Variants in CFAP65 observed in about 807,000 individuals in gnomAD.
CFAP65 encodes the protein cilia and flagella associated protein 65.
A neutral mutation model predicts 208.0 loss-of-function variants in CFAP65; 155 were observed. The observed-to-expected ratio is 0.75, with a 90% confidence interval of 0.65 to 0.85. The LOEUF is 0.85. Ranked by LOEUF, CFAP65 falls within the 40% of genes least tolerant of loss-of-function variation. The pLI is 0.00. For missense variants in CFAP65, 2,294 were observed against 2,451.3 expected (o/e 0.94, Z 1.36); for synonymous variants, 970 against 986.3 (o/e 0.98, Z 0.31).
Position 219,003,292 on chromosome 2 carries a change from A to G in CFAP65, c.5556-20T>C. On this transcript the variant is annotated intron_variant, in intron 33 of 34. Coordinates refer to ENST00000341552, the MANE Select transcript of CFAP65 (RefSeq NM_194302.4). The surrounding 1 kb of genome is among the most constrained non-coding windows in gnomAD (Gnocchi z 4.4). ...GGGAGCCTGCGAGGGGGCGGGGGCTAGCATGAGGGCGGCCGCAGTGCCCGC... is the reference window on the plus strand; with the variant it reads ...GGGAGCCTGCGAGGGGGCGGGGGCTGGCATGAGGGCGGCCGCAGTGCCCGC... 1 of 1,507,114 alleles carries G rather than the reference A, an allele frequency of 6.6e-7. No homozygotes were observed. Among genetic ancestry groups the G allele is most frequent in the Non-Finnish European group, 8.9e-7 (1 of 1,125,876 alleles). The allele number at this position is 1,507,114 out of a possible 1,614,324, so 93.4% of individuals were successfully genotyped here.
chr2:219,021,953 C>T (rs377278719), intron 17 of CFAP65, 23 bp from the exon 18 acceptor site: 106 of 1,611,876 alleles, frequency 6.6e-5, no homozygotes, highest in African/African-American at 2.3e-4. Context: ...GTCAGCCAGC[C>T]GGGAGTGGGA....
At chr2:219,035,118 C>A in intron 5 of CFAP65, 5 of 440,622 alleles carry the variant, frequency 1.1e-5, no homozygotes, top group South Asian at 4.3e-5. Flanking sequence ...AAAAAAAAAC[C>A]TTCATAAGAC....
At chr2:219,005,987 G>A in intron 31 of CFAP65, 34 bp downstream of exon 31, 1 of 1,596,194 alleles carries the variant, frequency 6.3e-7, no homozygotes, top group African/African-American at 1.3e-5. Flanking sequence ...ACAGAGAGAA[G>A]AGGAAGGTGA....
intron 5 of CFAP65, chr2:219,034,355 A>C (rs1261442409): frequency 6.6e-6 from 1 of 152,336 alleles, no homozygotes; most frequent in Middle Eastern, 3.4e-3. Flanking sequence ...CCAGCTATCA[A>C]GACTTACTAT....
At chr2:219,029,855 C>G in intron 10 of CFAP65, 131 bp downstream of exon 10, 1 of 1,116,650 alleles carries the variant, frequency 9.0e-7, no homozygotes, top group Non-Finnish European at 1.3e-6. Context: ...CCCCACAGGG[C>G]CACCAGGGGG....
intron 28 of CFAP65, 67 bp from the exon 29 acceptor site, chr2:219,009,221 C>A (rs960957140): frequency 1.3e-6 from 2 of 1,506,424 alleles, no homozygotes; most frequent in Admixed American, 3.4e-5. Context: ...TGCTGTGAGC[C>A]CTCTCCCTTC....
Position 219,030,848 on chromosome 2 carries a change from G to C in CFAP65, c.1016-14C>G, listed in dbSNP as rs202220607. ...GGGCGCACTTGGCTGGGGCAGAGAT[G>C]GGGGAGTCTTGGGGGAACCCACCAG... On this transcript the variant is annotated splice_polypyrimidine_tract_variant and intron_variant, in intron 8 of 34. Transcript: ENST00000341552. 9.7e-5 allele frequency: 157 copies of C among 1,611,088 alleles called. No homozygotes were observed. In the African/African-American group the frequency reaches 2.0e-3, roughly 20 times the overall value.
chr2:219,022,191 C>A lies in CFAP65; in HGVS notation c.2959G>T (p.Gly987Trp). Reference protein sequence around the residue: ...THYMLRLVGVGLTSSLSAKEK... With the variant: ...THYMLRLVGVWLTSSLSAKEK... The stretch of plus-strand genomic sequence containing the variant: ...CTCACAGAGAGGCTGCTGGTGAGCC[C>A]AACGCCCACCAGCCGGAGCATGTAG... Residue 987 changes from glycine (G) to tryptophan (W), a missense_variant, in exon 17 of 35, where the codon GGG becomes TGG. Physicochemically the swap from Gly to Trp is radical, Grantham distance 184. Around this residue, in one of 2 missense-constraint regions of CFAP65, gnomAD observed 1,427 missense variants for 1,438.7 expected, o/e 0.99. Coordinates refer to ENST00000341552, the MANE Select transcript of CFAP65 (RefSeq NM_194302.4). The A allele has an allele frequency of 6.2e-7, 1 of 1,601,728 alleles. No individual in the cohort carries two copies. The highest frequency in any genetic ancestry group is 8.5e-7 in the Non-Finnish European group (1 of 1,174,410).
rs1431894302 is a variant in CFAP65 at position 219,003,211 on chromosome 2, C to T, written c.5617G>A (p.Val1873Met). Residue 1873 changes from valine to methionine, a missense_variant, in exon 34 of 35, where the codon GTG becomes ATG. Val to Met is a conservative substitution (Grantham distance 21). Transcript: ENST00000341552. This position sits in a 1 kb window ranked among gnomAD's most constrained non-coding sequence, Gnocchi z 4.4. ...ACCACCTCCCCGCGGCTCGCCTCCA[C>T]CAGGATGTTCTGGATCATGTTCTCC... The part of the protein sequence containing the change: ...LLENMIQNIL[V>M]EASRGEVVLT... 1.3e-6 allele frequency: 2 copies of T among 1,548,904 alleles called. No individual in the cohort carries two copies. The highest frequency in any genetic ancestry group is 2.4e-5 in the South Asian group (2 of 84,002).
intron 21 of CFAP65, chr2:219,014,373 T>G (rs1272062987): frequency 5.2e-6 from 1 of 191,984 alleles, no homozygotes; most frequent in Non-Finnish European, 1.1e-5. Flanking sequence ...GTGACAAAGC[T>G]CTTGGGAAAG....
rs886805557 is a variant in CFAP65, at chr2:219,003,155, C to T, written c.5673G>A (p.Leu1891=). ...CTTACCTGGGCACGCAGAACGGCGG[C>T]AGGGCGATGACGCGTGGCCGCGAGG... The part of the protein sequence containing the change: ...VLTSRPRVIA[L]PPFCVPRSLT... Residue 1891 remains leucine, a synonymous_variant, in exon 34 of 35, where the codon CTG becomes CTA. Transcript: ENST00000341552. The surrounding 1 kb of genome is among the most constrained non-coding windows in gnomAD (Gnocchi z 4.4). 6.5e-7 allele frequency: 1 copy of T among 1,544,324 alleles called. No homozygotes were observed. The highest frequency in any genetic ancestry group is 1.4e-5 in the African/African-American group (1 of 72,886).
intron 24 of CFAP65, among the ~76,000 whole-genome samples, chr2:219,012,783 A>G (rs1428012052): frequency 6.6e-6 from 1 of 152,250 alleles, no homozygotes; most frequent in Non-Finnish European, 1.5e-5. Flanking sequence ...CCTACTGGTG[A>G]GCAGATCTAA....
rs1161643038 is a variant in CFAP65, at chr2:219,029,643, G to A, written c.1410C>T (p.Tyr470=). 6.2e-7 allele frequency: 1 copy of A among 1,614,142 alleles called. No homozygotes were observed. Among genetic ancestry groups the A allele is most frequent in the Admixed American group, 1.7e-5 (1 of 60,022 alleles). ...CRGPAVSLQH[Y]CVNFSWVNLG... is the part of the protein sequence containing the mutation. ...GGTTGACCCAGCTGAAGTTGACACA[G>A]TAGTGCTGCAGGGACACAGCAGGGC... is the stretch of plus-strand genomic sequence containing the variant. The change falls in exon 11 of 35, where the codon TAC becomes TAT. Residue 470 remains tyrosine (Y), a synonymous_variant. Transcript: ENST00000341552.
At chr2:219,035,064 C>A in intron 5 of CFAP65, 1 of 358,848 alleles carries the variant, frequency 2.8e-6, no homozygotes, top group Non-Finnish European at 5.0e-6. Context: ...ATAGAAGGTT[C>A]CATCCCGCAA....
chr2:219,017,440 TAAAACC>T (rs1946973853), intron 21 of CFAP65, among the ~76,000 whole-genome samples: 1 of 152,214 alleles, frequency 6.6e-6, no homozygotes, highest in Non-Finnish European at 1.5e-5. Flanking sequence ...TTGGCAGGAA[TAAAACC>T]CTCCGTCTGT....
chr2:219,027,238 A>T, intron 13 of CFAP65: 1 of 1,343,400 alleles, frequency 7.4e-7, no homozygotes, highest in Non-Finnish European at 9.5e-7. Context: ...CATCACAATT[A>T]TCTGGTGCTG....
chr2:219,019,097 C>T lies in CFAP65; in HGVS notation c.3556G>A (p.Val1186Met), dbSNP rs766698692. ...GAAPFKAPPS[V>M]VFLALKNSGV... ...CTGTTCTTCAGGGCCAGGAATACCACGGAAGGTGGGGCCTTGAATGGTGCG... is the reference window on the plus strand; with the variant it reads ...CTGTTCTTCAGGGCCAGGAATACCATGGAAGGTGGGGCCTTGAATGGTGCG... Residue 1186 changes from valine (V) to methionine (M), a missense_variant, in exon 21 of 35, where the codon GTG becomes ATG. Coordinates refer to ENST00000341552, the MANE Select transcript of CFAP65 (RefSeq NM_194302.4). 18 of 1,614,078 alleles carry T rather than the reference C, an allele frequency of 1.1e-5. No individual in the cohort carries two copies. Among genetic ancestry groups the T allele is most frequent in the East Asian group, 2.2e-5 (1 of 44,902 alleles).
rs1231168440 is a variant in CFAP65 at position 219,032,452 on chromosome 2, C to T, written c.645+18G>A. The T allele has an allele frequency of 6.4e-6, 10 of 1,565,020 alleles. No individual in the cohort carries two copies. Among genetic ancestry groups the T allele is most frequent in the South Asian group, 1.2e-5 (1 of 84,950 alleles). On this transcript the variant is annotated intron_variant, in intron 6 of 34. Transcript: ENST00000341552. This position sits in a 1 kb window ranked among gnomAD's most constrained non-coding sequence, Gnocchi z 5.5. ...TCCCAGGTACCTCCCTGCCCTCACT[C>T]GCTGTGGCAGACCTTACCGCCTCCA...
At chr2:219,025,084 A>G (rs944242309) in intron 14 of CFAP65, among the ~76,000 whole-genome samples, 4 of 152,196 alleles carry the variant, frequency 2.6e-5, no homozygotes, top group Non-Finnish European at 5.9e-5. Flanking sequence ...AGCAGGCTGC[A>G]AAACACAAAA....
Sources: gnomAD v4.1 joint callset for allele counts (sites outside exome capture counted in the v4.1 genomes callset) on GRCh38, gnomAD v4.1.1 for gene constraint, gnomAD v4.1.1 regional missense constraint, Gnocchi (gnomAD v3.1) non-coding constraint, MANE v1.5 for transcripts, NCBI Gene and HGNC (gene_info 2026-07-23, HGNC 2026-07-21) for gene names.